NRG3: variants seen among roughly 807,000 people sequenced by gnomAD.
The protein encoded by NRG3 is neuregulin 3.
NRG3 carries 31 observed loss-of-function variants against 66.9 expected under a neutral mutation model. The observed-to-expected ratio is 0.46, with a 90% CI of 0.35 to 0.63. The LOEUF (loss-of-function observed/expected upper bound fraction) is 0.63. Among genes scored for constraint, NRG3 ranks in the 20% least tolerant of loss-of-function variants. NRG3 has a pLI of 0.00. For missense variants in NRG3, 910 were observed against 878.9 expected (o/e 1.04, Z -0.45); for synonymous variants, 393 against 359.4 (o/e 1.09, Z -1.06).
chr10:82,915,712 A>G (rs144388594), intron 4 of NRG3, among the ~76,000 whole-genome samples: 13 of 152,330 alleles, frequency 8.5e-5, no homozygotes, highest in African/African-American at 3.1e-4. Context: ...GTGCTGTACA[A>G]AAGTCTGAAT....
At chr10:82,963,754 C>G (rs1592109715) in intron 6 of NRG3, among the ~76,000 whole-genome samples, 1 of 152,192 alleles carries the variant, frequency 6.6e-6, no homozygotes, top group African/African-American at 2.4e-5. Context: ...CTTTTTATTA[C>G]AAATTCCAAA....
rs369580292 is a variant in NRG3 at position 82,360,956 on chromosome 10, TATTAG to T, written c.953+2096_953+2100del. On this transcript the variant is annotated intron_variant, in intron 2 of 8. Coordinates refer to ENST00000372141, the MANE Select transcript of NRG3 (RefSeq NM_001010848.4). ...AAATTTCCTCTAAGGACATCAGCCA[TATTAG>T]ATTAGATCACATCCTCATTACCTTA... Among the ~76,000 whole-genome samples the T allele has an allele frequency of 3.3e-4, 51 of 152,320 alleles. 1 individual carries two copies. The East Asian group carries it at 9.1e-3, about 27-fold the overall frequency.
At chr10:82,054,687 G>A (rs1012969515) in intron 1 of NRG3, among the ~76,000 whole-genome samples, 6 of 152,080 alleles carry the variant, frequency 3.9e-5, no homozygotes, top group Non-Finnish European at 7.4e-5. Flanking sequence ...GAATGAAAAC[G>A]AGTGACAAGA....
intron 4 of NRG3, among the ~76,000 whole-genome samples, chr10:82,909,167 C>A (rs972453884): frequency 4.6e-5 from 7 of 152,340 alleles, no homozygotes; most frequent in Admixed American, 3.3e-4. Flanking sequence ...CTGTTAATGT[C>A]ACACTAAACA....
intron 1 of NRG3, among the ~76,000 whole-genome samples, chr10:82,083,207 G>A (rs1339274572): frequency 6.6e-6 from 1 of 152,014 alleles, no homozygotes; most frequent in Admixed American, 6.6e-5. Context: ...TCTTTGAAGA[G>A]TGTTTGGCTC....
chr10:81,893,237 T>A (rs1016975877), intron 1 of NRG3, among the ~76,000 whole-genome samples: 3 of 152,210 alleles, frequency 2.0e-5, no homozygotes, highest in Admixed American at 2.0e-4. Context: ...GAAGTTGTAC[T>A]CTAACACAAT....
chr10:82,732,118 A>G (rs1214537467), intron 2 of NRG3, among the ~76,000 whole-genome samples: 1 of 152,152 alleles, frequency 6.6e-6, no homozygotes, highest in Non-Finnish European at 1.5e-5. Context: ...CATGTTGTAC[A>G]TTATAAATAT....
chr10:82,533,961 T>C (rs1478160061), intron 2 of NRG3, among the ~76,000 whole-genome samples: 3 of 152,078 alleles, frequency 2.0e-5, no homozygotes, highest in Non-Finnish European at 4.4e-5. Context: ...TTCTATAGAC[T>C]AACAACAAAC....
At chr10:82,953,916 C>G (rs895819936) in intron 5 of NRG3, among the ~76,000 whole-genome samples, 1 of 149,418 alleles carries the variant, frequency 6.7e-6, no homozygotes, top group African/African-American at 2.5e-5. Flanking sequence ...CAAGATCGCA[C>G]GACTGCACTC....
At chr10:82,028,776 G>A (rs576527799) in intron 1 of NRG3, among the ~76,000 whole-genome samples, 1 of 152,156 alleles carries the variant, frequency 6.6e-6, no homozygotes, top group East Asian at 1.9e-4. Context: ...TATGAACCTT[G>A]GCTATACTTA....
At chr10:82,278,769 G>C (rs551047966) in intron 1 of NRG3, among the ~76,000 whole-genome samples, 1 of 152,178 alleles carries the variant, frequency 6.6e-6, no homozygotes, top group African/African-American at 2.4e-5. Flanking sequence ...TCTATACATG[G>C]CCTGGAAATT....
Position 82,980,436 on chromosome 10 carries a change from T to A in NRG3, c.1583+1316T>A, listed in dbSNP as rs192599225. Among the ~76,000 whole-genome samples, 538 of 152,284 alleles carry A rather than the reference T, an allele frequency of 3.5e-3. 7 individuals are homozygous for A. Among genetic ancestry groups the A allele is most frequent in the Non-Finnish European group, 2.1e-3 (144 of 68,024 alleles). On this transcript the variant is annotated intron_variant, in intron 8 of 8. Transcript: ENST00000372141. ...AAATTTCAGAAATCACTTCCCTCAC[T>A]CAAGCCAGGTTCTTGTGGCTCTGTT...
At chr10:82,719,306 T>C (rs997227781) in intron 2 of NRG3, among the ~76,000 whole-genome samples, 1 of 152,206 alleles carries the variant, frequency 6.6e-6, no homozygotes, top group Non-Finnish European at 1.5e-5. Context: ...GTGGAATGAT[T>C]AGGGGAAAAA....
chr10:82,658,820 AT>A (rs2052081150), intron 2 of NRG3, among the ~76,000 whole-genome samples: 1 of 152,218 alleles, frequency 6.6e-6, no homozygotes, highest in African/African-American at 2.4e-5. Flanking sequence ...TGTGCAGTTT[AT>A]TTTATGAATT....
chr10:82,731,924 C>T (rs192695501), intron 2 of NRG3, among the ~76,000 whole-genome samples: 2 of 152,230 alleles, frequency 1.3e-5, no homozygotes, highest in Admixed American at 6.5e-5. Context: ...AAGAAATCTA[C>T]TGCATAATAT....
chr10:82,442,879 G>A (rs2090512462), intron 2 of NRG3, among the ~76,000 whole-genome samples: 1 of 142,164 alleles, frequency 7.0e-6, no homozygotes, highest in Admixed American at 7.6e-5. Flanking sequence ...CTTCTAACAG[G>A]CCTGTTATGC....
At chr10:82,364,880 G>A (rs1350483991) in intron 2 of NRG3, among the ~76,000 whole-genome samples, 2 of 152,220 alleles carry the variant, frequency 1.3e-5, no homozygotes, top group African/African-American at 4.8e-5. Flanking sequence ...TAACAGGACT[G>A]ATGGCTTGTA....
At chr10:82,886,569 A>G (rs1191936194) in intron 4 of NRG3, among the ~76,000 whole-genome samples, 1 of 152,214 alleles carries the variant, frequency 6.6e-6, no homozygotes, top group African/African-American at 2.4e-5. Context: ...TTTGGAGCTT[A>G]GTATTGTCAG....
chr10:82,313,410 C>A (rs1426650935), intron 1 of NRG3, among the ~76,000 whole-genome samples: 2 of 151,990 alleles, frequency 1.3e-5, no homozygotes, highest in African/African-American at 4.8e-5. Context: ...TTGCGATTAT[C>A]ATTATGATTA....
Sources: gnomAD v4.1 joint callset for allele counts (sites outside exome capture counted in the v4.1 genomes callset) on GRCh38, gnomAD v4.1.1 for gene constraint, MANE v1.5 for transcripts, NCBI Gene and HGNC (gene_info 2026-07-23, HGNC 2026-07-21) for gene names.